Variants in CCDC170 observed in about 807,000 individuals in gnomAD.
CCDC170 encodes the protein coiled-coil domain-containing protein 170.
CCDC170 carries 69 observed loss-of-function variants against 72.6 expected under a neutral mutation model. The ratio of observed to expected loss-of-function variants is 0.95; its 90% CI spans 0.78 to 1.16. CCDC170 has a LOEUF of 1.16. CCDC170 is among the 50% of genes most tolerant of loss of function. CCDC170 has a pLI of 0.00. For synonymous variants in CCDC170, 300 were observed against 303.9 expected, an observed-to-expected ratio of 0.99 and a Z score of 0.13; for missense variants, 852 against 832.5, an observed-to-expected ratio of 1.02 and a Z score of -0.29.
chr6:151,494,316 C>CTG (rs1437830872), intron 1 of CCDC170, 131 bp downstream of exon 1: 2 of 989,490 alleles, frequency 2.0e-6, no homozygotes, highest in Non-Finnish European at 2.7e-6. Context: ...GCTCTGTGCC[C>CTG]GCGAGGGCTG....
At chr6:151,544,984 TA>T (rs1782749419) in intron 4 of CCDC170, among the ~76,000 whole-genome samples, 1 of 152,222 alleles carries the variant, frequency 6.6e-6, no homozygotes, top group African/African-American at 2.4e-5. Context: ...CATATAGAGT[TA>T]ATTACTCATT....
At chr6:151,593,040 G>T (rs1776565930) in intron 7 of CCDC170, 67 bp from the exon 8 acceptor site, 1 of 1,516,940 alleles carries the variant, frequency 6.6e-7, no homozygotes, top group Non-Finnish European at 9.1e-7. Flanking sequence ...AAGAGGAAGA[G>T]ATTCTGTGAG....
intron 7 of CCDC170, among the ~76,000 whole-genome samples, chr6:151,590,290 G>A (rs1776514783): frequency 6.6e-6 from 1 of 152,136 alleles, no homozygotes; most frequent in African/African-American, 2.4e-5. Flanking sequence ...TAGAGAAAGA[G>A]TCAATAAATA....
At position 151,618,273 on chromosome 6, in the gene CCDC170, T is replaced by A; in HGVS notation, c.*126T>A. 1 of 786,728 alleles carries A rather than the reference T, an allele frequency of 1.3e-6. No individual in the cohort carries two copies. 48.7% of individuals were successfully genotyped at this position (786,728 alleles called of 1,614,324 possible). A position where few individuals can be genotyped will look rare whatever the true frequency, so the allele number is the denominator to read the frequency against. On this transcript the variant is annotated 3_prime_UTR_variant, in exon 11 of 11. Transcript: ENST00000239374. ...TTATGCTTTGATGATATAGTGAGAA[T>A]GCATCACTTGCAAAAACGATCTCAA...
chr6:151,562,475 A>G (rs1776051623), intron 5 of CCDC170, among the ~76,000 whole-genome samples: 4 of 152,108 alleles, frequency 2.6e-5, no homozygotes, highest in Admixed American at 2.6e-4. Flanking sequence ...CAGAGGGCCA[A>G]AGTGCTGTAT....
chr6:151,509,010 CT>C (rs1460930939), intron 1 of CCDC170, among the ~76,000 whole-genome samples: 1 of 77,176 alleles, frequency 1.3e-5, no homozygotes, highest in Non-Finnish European at 2.5e-5. Flanking sequence ...AGCGAAACTC[CT>C]TCTCAAAAAA....
At chr6:151,527,050 ATTTTTTTTTT>A (rs56941290) in intron 1 of CCDC170, among the ~76,000 whole-genome samples, 3 of 69,682 alleles carry the variant, frequency 4.3e-5, no homozygotes, top group Non-Finnish European at 8.1e-5. Context: ...ATGCTTAGCT[ATTTTTTTTTT>A]TTTTTTTTTT....
Position 151,596,290 on chromosome 6 carries a change from A to T in CCDC170, c.1468-45A>T, listed in dbSNP as rs774071792. 6 of 1,537,770 alleles carry T rather than the reference A, an allele frequency of 3.9e-6. No homozygotes were observed. In the Admixed American group the frequency reaches 1.3e-4, roughly 33 times the overall value. ...TCTGGGTAACTCATTTATATTTACT[A>T]TTGTTCAATTATTAAAAAAAAAATC... On this transcript the variant is annotated intron_variant, in intron 8 of 10. Transcript: ENST00000239374.
At chr6:151,553,196 C>T (rs892927386) in intron 5 of CCDC170, among the ~76,000 whole-genome samples, 1 of 152,116 alleles carries the variant, frequency 6.6e-6, no homozygotes, top group African/African-American at 2.4e-5. Flanking sequence ...ACCATTAGCC[C>T]AGTCATTGTG....
At chr6:151,592,913 C>T (rs1374418228) in intron 7 of CCDC170, 194 bp from the exon 8 acceptor site, 3 of 605,616 alleles carry the variant, frequency 5.0e-6, no homozygotes, top group Admixed American at 2.9e-5. Context: ...AGCATTCAGA[C>T]AAGGGGTAGG....
intron 1 of CCDC170, among the ~76,000 whole-genome samples, chr6:151,524,642 A>G (rs777514738): frequency 1.3e-5 from 2 of 152,200 alleles, no homozygotes; most frequent in African/African-American, 2.4e-5. Flanking sequence ...ATGAAGCTAC[A>G]GTTTCCATTG....
chr6:151,533,052 CTTTTTTTTT>C (rs58383930), intron 1 of CCDC170, among the ~76,000 whole-genome samples: 1 of 118,042 alleles, frequency 8.5e-6, no homozygotes, highest in South Asian at 2.5e-4. Context: ...GACTATTTCT[CTTTTTTTTT>C]TTTTTTTTTT....
intron 6 of CCDC170, among the ~76,000 whole-genome samples, chr6:151,575,448 T>A (rs1776287614): frequency 6.8e-6 from 1 of 147,758 alleles, no homozygotes; most frequent in East Asian, 2.0e-4. Flanking sequence ...AAAAAAAAAA[T>A]TCTCTGAAAT....
chr6:151,539,868 A>C (rs1044897599), intron 3 of CCDC170, among the ~76,000 whole-genome samples: 7 of 152,130 alleles, frequency 4.6e-5, no homozygotes, highest in African/African-American at 1.7e-4. Context: ...CTTCTAGTTG[A>C]TCATTTCAAA....
At chr6:151,541,648 T>A (rs1345343624) in intron 3 of CCDC170, among the ~76,000 whole-genome samples, 2 of 151,808 alleles carry the variant, frequency 1.3e-5, no homozygotes, top group Non-Finnish European at 2.9e-5. Flanking sequence ...GTAAAAAATA[T>A]TTTTTATACA....
rs1450060033 is a variant in CCDC170 at position 151,620,276 on chromosome 6, G to C, written c.*2129G>C. 6.6e-6 allele frequency: 1 copy of C among 152,082 alleles called. No individual in the cohort carries two copies. The highest frequency in any genetic ancestry group is 2.4e-5 in the African/African-American group (1 of 41,418). The allele number at this position is 152,082 out of a possible 1,614,324, so 9.4% of individuals were successfully genotyped here. A position where few individuals can be genotyped will look rare whatever the true frequency, so the allele number is the denominator to read the frequency against. Reference sequence around the variant, plus strand: ...GAATGAATTTGACACCTGTTGGTTGGATGACAGACCACACAGAGGGAGAGT... The same window carrying C: ...GAATGAATTTGACACCTGTTGGTTGCATGACAGACCACACAGAGGGAGAGT... On this transcript the variant is annotated 3_prime_UTR_variant, in exon 11 of 11. Coordinates refer to ENST00000239374, the MANE Select transcript of CCDC170 (RefSeq NM_025059.4).
At chr6:151,616,855 T>C (rs1411196546) in intron 10 of CCDC170, among the ~76,000 whole-genome samples, 2 of 152,128 alleles carry the variant, frequency 1.3e-5, no homozygotes, top group African/African-American at 4.8e-5. Context: ...GCCTCTTTTA[T>C]AAGGGCACTA....
chr6:151,527,432 T>C (rs975209808), intron 1 of CCDC170, among the ~76,000 whole-genome samples: 3 of 152,152 alleles, frequency 2.0e-5, no homozygotes, highest in African/African-American at 7.2e-5. Flanking sequence ...CACGAGCAGA[T>C]AGAAGAAGGA....
At chr6:151,511,625 T>C (rs1344418479) in intron 1 of CCDC170, among the ~76,000 whole-genome samples, 1 of 152,168 alleles carries the variant, frequency 6.6e-6, no homozygotes, top group Admixed American at 6.6e-5. Context: ...GCCCAACATA[T>C]ATTTCATGAG....
Sources: gnomAD v4.1 joint callset for allele counts (sites outside exome capture counted in the v4.1 genomes callset) on GRCh38, gnomAD v4.1.1 for gene constraint, MANE v1.5 for transcripts, NCBI Gene and HGNC (gene_info 2026-07-23, HGNC 2026-07-21) for gene names.